The following POU6F2 variants were observed in gnomAD, a reference collection of about 807,000 sequenced individuals.
POU6F2 encodes the protein POU domain, class 6, transcription factor 2.
A neutral mutation model predicts 71.3 loss-of-function variants in POU6F2; 31 were observed. That is an observed-to-expected ratio of 0.43 (90% CI 0.33 to 0.59). The LOEUF is 0.59. Ranked by LOEUF, POU6F2 falls within the 20% of genes least tolerant of loss-of-function variation. POU6F2 has a pLI of 0.04. For missense variants in POU6F2, 783 were observed against 856.8 expected (o/e 0.91, Z 1.07); for synonymous variants, 347 against 355.7 (o/e 0.98, Z 0.27).
intron 4 of POU6F2, among the ~76,000 whole-genome samples, chr7:39,297,190 TACACATACACAC>T (rs1251693480): frequency 1.7e-5 from 2 of 118,106 alleles, no homozygotes; most frequent in Non-Finnish European, 3.8e-5. Context: ...CAAACACACA[TACACATACACAC>T]ACACACACAC....
At position 39,464,858 on chromosome 7, in the gene POU6F2, A is replaced by G. The variant is rs781469466; in HGVS notation, c.*172A>G. ...CTACCAAGTGGACAGAATGGTTTCT[A>G]CATGTCCGTTGGTTTTCCAAAAAGG... On this transcript the variant is annotated 3_prime_UTR_variant, in exon 10 of 10. Coordinates refer to ENST00000518318, the MANE Select transcript of POU6F2 (RefSeq NM_001370959.1). The surrounding 1 kb of genome is among the most constrained non-coding windows in gnomAD (Gnocchi z 4.1). 6 of 914,808 alleles carry G rather than the reference A, an allele frequency of 6.6e-6. No homozygotes were observed. The highest frequency in any genetic ancestry group is 6.3e-6 in the Non-Finnish European group (4 of 632,348). 56.7% of individuals were successfully genotyped at this position (914,808 alleles called of 1,614,324 possible). A position where few individuals can be genotyped will look rare whatever the true frequency, so the allele number is the denominator to read the frequency against.
chr7:39,460,506 G>A lies in POU6F2; in HGVS notation c.1490-41G>A. Reference sequence around the variant, plus strand: ...TAATAAACAGATATTGCTCGGCTGTGTGTTGACGTATTGATCCTATTTTTA... The same window carrying A: ...TAATAAACAGATATTGCTCGGCTGTATGTTGACGTATTGATCCTATTTTTA... On this transcript the variant is annotated intron_variant, in intron 8 of 9. Coordinates refer to ENST00000518318, the MANE Select transcript of POU6F2 (RefSeq NM_001370959.1). This position sits in a 1 kb window ranked among gnomAD's most constrained non-coding sequence, Gnocchi z 4.4. The A allele has an allele frequency of 6.2e-7, 1 of 1,600,464 alleles. No homozygotes were observed.
chr7:38,990,324 C>CT (rs1788571782), intron 1 of POU6F2, among the ~76,000 whole-genome samples: 1 of 152,162 alleles, frequency 6.6e-6, no homozygotes, highest in Admixed American at 6.6e-5. Flanking sequence ...TTCAACTAAC[C>CT]TTTTTCCTGT....
chr7:39,300,842 C>T (rs1166051865), intron 4 of POU6F2, among the ~76,000 whole-genome samples: 1 of 133,852 alleles, frequency 7.5e-6, no homozygotes, highest in Non-Finnish European at 1.7e-5. Context: ...TGAACACAGT[C>T]ATATTCTGAG....
chr7:39,184,136 G>A (rs1793487923), intron 2 of POU6F2, among the ~76,000 whole-genome samples: 1 of 152,162 alleles, frequency 6.6e-6, no homozygotes, highest in South Asian at 2.1e-4. Flanking sequence ...GGACAAGCTG[G>A]TCCATGCAAA....
At chr7:39,275,791 A>G (rs534782154) in intron 4 of POU6F2, among the ~76,000 whole-genome samples, 1,543 of 152,012 alleles carry the variant, frequency 0.01, 33 homozygotes, top group African/African-American at 0.034. Context: ...GAGAAAAACA[A>G]GCAATGGGGA....
chr7:39,339,170 A>G (rs1274754230), intron 4 of POU6F2, among the ~76,000 whole-genome samples: 1 of 152,196 alleles, frequency 6.6e-6, no homozygotes, highest in Non-Finnish European at 1.5e-5. Flanking sequence ...AAATGATACC[A>G]TTAATGATAT....
intron 1 of POU6F2, among the ~76,000 whole-genome samples, chr7:39,075,974 C>G (rs764153702): frequency 2.0e-5 from 3 of 152,216 alleles, no homozygotes; most frequent in African/African-American, 4.8e-5. Flanking sequence ...TGCAGTCACA[C>G]AAGCTGAACT....
chr7:39,438,733 G>A (rs1032485670), intron 7 of POU6F2, among the ~76,000 whole-genome samples: 6 of 152,200 alleles, frequency 3.9e-5, no homozygotes, highest in African/African-American at 9.6e-5. Context: ...AGACTGTTAT[G>A]ATTTCAGTTC....
At chr7:39,433,496 A>G (rs1788161208) in intron 7 of POU6F2, among the ~76,000 whole-genome samples, 1 of 152,254 alleles carries the variant, frequency 6.6e-6, no homozygotes, top group African/African-American at 2.4e-5. Flanking sequence ...TATAAAAATA[A>G]GAATATATTA....
chr7:39,341,942 C>A (rs1417719877), intron 5 of POU6F2, among the ~76,000 whole-genome samples: 1 of 152,190 alleles, frequency 6.6e-6, no homozygotes, highest in Non-Finnish European at 1.5e-5. Flanking sequence ...TCGTGGAAAT[C>A]CCAGGGCTGT....
intron 6 of POU6F2, among the ~76,000 whole-genome samples, chr7:39,423,506 T>C (rs1440910927): frequency 1.3e-5 from 2 of 152,084 alleles, no homozygotes; most frequent in African/African-American, 2.4e-5. Flanking sequence ...AGTGATGAAT[T>C]TGTACATGAG....
chr7:39,148,569 GT>G (rs1225118097), intron 2 of POU6F2, among the ~76,000 whole-genome samples: 1 of 151,954 alleles, frequency 6.6e-6, no homozygotes, highest in Non-Finnish European at 1.5e-5. Flanking sequence ...GATAATGATG[GT>G]GATGATGATG....
At chr7:39,079,355 A>T (rs543950034) in intron 1 of POU6F2, among the ~76,000 whole-genome samples, 27 of 151,536 alleles carry the variant, frequency 1.8e-4, no homozygotes, top group African/African-American at 6.5e-4. Context: ...CGCCCCACTA[A>T]TTTTTTGTAT....
rs116072180 is a variant in POU6F2, at chr7:39,107,997, C to T, written c.277+21966C>T. Among the ~76,000 whole-genome samples the T allele has an allele frequency of 2.8e-3, 425 of 152,274 alleles. 4 individuals carry two copies. The highest frequency in any genetic ancestry group is 7.9e-3 in the African/African-American group (330 of 41,546). On this transcript the variant is annotated intron_variant, in intron 2 of 9. Coordinates refer to ENST00000518318, the MANE Select transcript of POU6F2 (RefSeq NM_001370959.1). Reference sequence around the variant, plus strand: ...ATCAGCCTCCCAGAACACAGAGCAACGTGGAAAGGGTAGAGTGTAAATCTG... The same window carrying T: ...ATCAGCCTCCCAGAACACAGAGCAATGTGGAAAGGGTAGAGTGTAAATCTG...
intron 4 of POU6F2, among the ~76,000 whole-genome samples, chr7:39,259,030 C>T (rs1784082628): frequency 6.6e-6 from 1 of 152,042 alleles, no homozygotes; most frequent in African/African-American, 2.4e-5. Context: ...TGCTTCAGGG[C>T]CTGAAGGCTC....
chr7:39,254,074 A>G (rs1783973841), intron 4 of POU6F2, among the ~76,000 whole-genome samples: 1 of 152,020 alleles, frequency 6.6e-6, no homozygotes, highest in African/African-American at 2.4e-5. Context: ...TCGTGTCATA[A>G]TTTTCTCACT....
intron 4 of POU6F2, among the ~76,000 whole-genome samples, chr7:39,251,558 C>G (rs770773403): frequency 3.3e-5 from 5 of 152,170 alleles, no homozygotes; most frequent in Admixed American, 6.5e-5. Flanking sequence ...TGGCCCCTAC[C>G]TTTAAAATAG....
chr7:39,167,928 A>G (rs1357531962), intron 2 of POU6F2, among the ~76,000 whole-genome samples: 1 of 152,056 alleles, frequency 6.6e-6, no homozygotes, highest in Non-Finnish European at 1.5e-5. Context: ...ATGTTAAGTA[A>G]GGCCTTTTCT....
Sources: allele counts gnomAD v4.1 joint callset (sites outside exome capture counted in the v4.1 genomes callset), GRCh38; gene constraint gnomAD v4.1.1; non-coding constraint Gnocchi (gnomAD v3.1); transcripts MANE v1.5; gene names NCBI Gene and HGNC (gene_info 2026-07-23, HGNC 2026-07-21).